Variants in CPNE4 observed in about 807,000 individuals in gnomAD.
CPNE4 encodes the protein copine-4.
CPNE4 carries 25 observed loss-of-function variants against 67.9 expected under a neutral mutation model. The observed-to-expected ratio is 0.37, with a 90% CI of 0.27 to 0.51. CPNE4 has a LOEUF of 0.51. Among genes scored for constraint, CPNE4 ranks in the 20% least tolerant of loss-of-function variants. The pLI, the probability that CPNE4 is intolerant of heterozygous loss-of-function variation, is 0.93. For missense variants in CPNE4, 464 were observed against 690.8 expected, an observed-to-expected ratio of 0.67 and a Z score of 3.68; for synonymous variants, 242 against 244.9, an observed-to-expected ratio of 0.99 and a Z score of 0.11.
intron 2 of CPNE4, among the ~76,000 whole-genome samples, chr3:131,893,029 G>C (rs1446826801): frequency 6.6e-6 from 1 of 151,972 alleles, no homozygotes; most frequent in Non-Finnish European, 1.5e-5. Context: ...AAAATGTATA[G>C]AGTGGCTGAA....
chr3:131,636,856 A>G (rs1376256241), intron 7 of CPNE4, among the ~76,000 whole-genome samples: 1 of 152,218 alleles, frequency 6.6e-6, no homozygotes, highest in Non-Finnish European at 1.5e-5. Context: ...GATGAATCAC[A>G]TCACAGGGCT....
chr3:131,724,247 T>C (rs1256748485), intron 2 of CPNE4, among the ~76,000 whole-genome samples: 1 of 152,184 alleles, frequency 6.6e-6, no homozygotes, highest in Admixed American at 6.5e-5. Context: ...TAACTGCCTT[T>C]GGTCTCGAGT....
At chr3:131,920,024 G>A (rs1314645811) in intron 1 of CPNE4, among the ~76,000 whole-genome samples, 2 of 152,174 alleles carry the variant, frequency 1.3e-5, no homozygotes, top group Admixed American at 6.5e-5. Flanking sequence ...CAGCAGGTGT[G>A]AGTTGCTTAG....
chr3:131,730,007 T>G (rs2082091428), intron 2 of CPNE4, among the ~76,000 whole-genome samples: 1 of 152,252 alleles, frequency 6.6e-6, no homozygotes, highest in Admixed American at 6.5e-5. Context: ...AGCCTTACCC[T>G]CATCAACTTT....
chr3:131,708,909 C>T (rs1194318222), intron 3 of CPNE4, among the ~76,000 whole-genome samples: 2 of 140,298 alleles, frequency 1.4e-5, no homozygotes, highest in Non-Finnish European at 3.1e-5. Flanking sequence ...TCAAATAATA[C>T]ACTGTTACTA....
chr3:131,802,378 G>A (rs947177929), intron 2 of CPNE4, among the ~76,000 whole-genome samples: 7 of 151,960 alleles, frequency 4.6e-5, no homozygotes, highest in Non-Finnish European at 1.0e-4. Context: ...CAAGAAAACT[G>A]GGAACTATCA....
chr3:131,765,703 A>G (rs973797407), intron 2 of CPNE4, among the ~76,000 whole-genome samples: 1 of 152,112 alleles, frequency 6.6e-6, no homozygotes, highest in African/African-American at 2.4e-5. Context: ...ATTAAGGAAC[A>G]AAAAATGAAT....
intron 3 of CPNE4, among the ~76,000 whole-genome samples, chr3:131,715,431 T>C (rs2081659730): frequency 6.6e-6 from 1 of 152,226 alleles, no homozygotes; most frequent in African/African-American, 2.4e-5. Context: ...TTTATACTAG[T>C]TAGTGACAAG....
In CPNE4 at chr3:131,842,435, G is replaced by A. The variant is rs985038426; in HGVS notation, c.180+62829C>T. 7.2e-5 allele frequency among the ~76,000 whole-genome samples: 11 copies of A among 152,270 alleles called. 1 individual carries two copies. Among genetic ancestry groups the A allele is most frequent in the African/African-American group, 2.6e-4 (11 of 41,544 alleles). On this transcript the variant is annotated intron_variant, in intron 2 of 15. Coordinates refer to ENST00000429747, the MANE Select transcript of CPNE4 (RefSeq NM_130808.3). The stretch of plus-strand genomic sequence containing the variant: ...GATCCAGATGACTGCATGAGAACTG[G>A]ACTCTCTTCCTCTGTGTTGTGTAGT...
chr3:131,792,919 G>A (rs76816066), intron 2 of CPNE4, among the ~76,000 whole-genome samples: 24 of 77,668 alleles, frequency 3.1e-4, no homozygotes, highest in African/African-American at 8.1e-4. Flanking sequence ...GTGTGTGTGT[G>A]TGTGTGTATC....
At chr3:131,857,915 T>C (rs958030165) in intron 2 of CPNE4, among the ~76,000 whole-genome samples, 6 of 152,000 alleles carry the variant, frequency 3.9e-5, no homozygotes, top group Non-Finnish European at 1.5e-5. Flanking sequence ...AGTAAAAACT[T>C]CACACCAGAT....
chr3:131,726,478 A>G (rs1166513212), intron 2 of CPNE4, among the ~76,000 whole-genome samples: 1 of 152,192 alleles, frequency 6.6e-6, no homozygotes, highest in Non-Finnish European at 1.5e-5. Context: ...GAAAAGCAGG[A>G]AAATGACAAT....
At chr3:131,876,305 G>C (rs1387953032) in intron 2 of CPNE4, among the ~76,000 whole-genome samples, 3 of 151,044 alleles carry the variant, frequency 2.0e-5, no homozygotes, top group South Asian at 2.1e-4. Context: ...CAAATGAAAG[G>C]CATGCTCTTT....
Position 131,547,455 on chromosome 3 carries a change from C to CAAA in CPNE4, c.1302+2489_1302+2491dup, listed in dbSNP as rs56412825. On this transcript the variant is annotated intron_variant, in intron 14 of 15. Transcript: ENST00000429747. ...TGGGTGATAGACCAAGACCCTGTCGCAAAAAAAAAAAAAAAAAAAAAAAAA... is the reference window on the plus strand; with the variant it reads ...TGGGTGATAGACCAAGACCCTGTCGCAAAAAAAAAAAAAAAAAAAAAAAAAAAA... Among the ~76,000 whole-genome samples the CAAA allele has an allele frequency of 8.2e-5, 3 of 36,544 alleles. 1 individual carries two copies. In the East Asian group the frequency reaches 2.4e-3, roughly 30 times the overall value. 24.0% of individuals were successfully genotyped at this position (36,544 alleles called of 152,430 possible).
intron 6 of CPNE4, among the ~76,000 whole-genome samples, chr3:131,681,044 C>G (rs1056276549): frequency 5.3e-5 from 8 of 152,216 alleles, no homozygotes; most frequent in Non-Finnish European, 1.5e-5. Context: ...ATAAATACCA[C>G]AATTTCTTTA....
intron 2 of CPNE4, among the ~76,000 whole-genome samples, chr3:131,728,461 G>C (rs911759538): frequency 1.2e-4 from 18 of 152,252 alleles, no homozygotes; most frequent in African/African-American, 4.3e-4. Flanking sequence ...CATAAACACT[G>C]TTGCTCAAAG....
At chr3:132,003,147 G>A (rs976048914) in intron 1 of CPNE4, among the ~76,000 whole-genome samples, 4 of 152,134 alleles carry the variant, frequency 2.6e-5, no homozygotes, top group Non-Finnish European at 4.4e-5. Context: ...ATCATTGGCA[G>A]ATATAAGCTG....
chr3:131,952,291 T>C (rs1225007), intron 1 of CPNE4, among the ~76,000 whole-genome samples: 11,537 of 144,610 alleles, frequency 0.08, 571 homozygotes, highest in Admixed American at 0.16. Flanking sequence ...TCTGCCCGGC[T>C]GCCCCATCTG....
intron 1 of CPNE4, among the ~76,000 whole-genome samples, chr3:131,998,680 T>C (rs2073355555): frequency 6.6e-6 from 1 of 151,554 alleles, no homozygotes; most frequent in Non-Finnish European, 1.5e-5. Flanking sequence ...AAATTCATAG[T>C]GGGCATTTAC....
Sources: allele counts gnomAD v4.1 joint callset (sites outside exome capture counted in the v4.1 genomes callset), GRCh38; gene constraint gnomAD v4.1.1; transcripts MANE v1.5; gene names NCBI Gene and HGNC (gene_info 2026-07-23, HGNC 2026-07-21).